ZNF280C: variants seen among roughly 807,000 people sequenced by gnomAD.
ZNF280C encodes the protein zinc finger protein 280C, also known as suppressor of hairy wing homolog 3.
A neutral mutation model predicts 53.6 loss-of-function variants in ZNF280C; 14 were observed. That is an observed-to-expected ratio of 0.26 (90% CI 0.17 to 0.41). ZNF280C has a LOEUF of 0.41. Ranked by LOEUF, ZNF280C falls within the 10% of genes least tolerant of loss-of-function variation. The probability of loss-of-function intolerance (pLI) is 1.00; values close to 1 mark genes in which losing one functional copy is unlikely to be tolerated. For missense variants in ZNF280C, 416 were observed against 547.1 expected (o/e 0.76, Z 2.39); for synonymous variants, 203 against 181.1 (o/e 1.12, Z -0.97).
intron 8 of ZNF280C, among the ~76,000 whole-genome samples, chrX:130,233,082 AAAGAAAAT>A (rs1179475951): frequency 8.9e-6 from 1 of 111,927 alleles, no homozygotes; most frequent in Non-Finnish European, 1.9e-5. Context: ...AAAACATGCT[AAAGAAAAT>A]AAGACAGTCA....
chrX:130,222,220 C>G (rs1331279672), intron 12 of ZNF280C, among the ~76,000 whole-genome samples: 1 of 105,025 alleles, frequency 9.5e-6, no homozygotes, highest in Non-Finnish European at 1.9e-5. Context: ...CTCTATCTAC[C>G]TATATTTTCT....
intron 11 of ZNF280C, among the ~76,000 whole-genome samples, chrX:130,227,133 C>T (rs865851856): frequency 3.3e-4 from 37 of 111,446 alleles, no homozygotes; most frequent in African/African-American, 1.1e-3. Flanking sequence ...CTCTCTTCTT[C>T]TTTTCAAATC....
At chrX:130,220,662 A>C (rs2032153507) in intron 12 of ZNF280C, among the ~76,000 whole-genome samples, 182 bp from the exon 13 acceptor site, 1 of 111,886 alleles carries the variant, frequency 8.9e-6, no homozygotes, top group African/African-American at 3.2e-5. Flanking sequence ...GAGTTTCAAA[A>C]GCATTAGTTA....
chrX:130,244,614 A>G (rs1215577709), intron 3 of ZNF280C, among the ~76,000 whole-genome samples: 5 of 108,366 alleles, frequency 4.6e-5, no homozygotes, highest in Non-Finnish European at 9.6e-5. Flanking sequence ...TGTCTCTACT[A>G]AAAATACAAA....
At chrX:130,228,442 C>A (rs972662111) in intron 10 of ZNF280C, among the ~76,000 whole-genome samples, 2 of 108,922 alleles carry the variant, frequency 1.8e-5, no homozygotes, top group East Asian at 5.7e-4. Context: ...CGCCACCTTG[C>A]CTGGCTAATT....
At chrX:130,205,842 T>C (rs2031967601) in intron 16 of ZNF280C, among the ~76,000 whole-genome samples, 1 of 103,237 alleles carries the variant, frequency 9.7e-6, no homozygotes, top group South Asian at 4.4e-4. Flanking sequence ...TGAGCCAAGA[T>C]TGTGCCACTG....
At chrX:130,237,876 T>C (rs1362599281) in intron 6 of ZNF280C, among the ~76,000 whole-genome samples, 1 of 111,728 alleles carries the variant, frequency 9.0e-6, no homozygotes, top group Admixed American at 9.5e-5. Flanking sequence ...CAATGAGTGC[T>C]AGTACTTTGG....
At chrX:130,258,630 T>C (rs2032599067) in intron 2 of ZNF280C, among the ~76,000 whole-genome samples, 1 of 112,291 alleles carries the variant, frequency 8.9e-6, no homozygotes, top group Non-Finnish European at 1.9e-5. Context: ...AAACATTACA[T>C]AGAATGTTGT....
At chrX:130,217,396 A>C (rs1473408670) in intron 13 of ZNF280C, among the ~76,000 whole-genome samples, 1 of 112,360 alleles carries the variant, frequency 8.9e-6, no homozygotes, top group Admixed American at 9.4e-5. Context: ...CAGAATAGGA[A>C]AATCCATAGA....
chrX:130,207,725 A>C (rs1427463245), intron 16 of ZNF280C, among the ~76,000 whole-genome samples: 1 of 111,606 alleles, frequency 9.0e-6, no homozygotes, highest in African/African-American at 3.3e-5. Flanking sequence ...TTTTACTCCT[A>C]GTTATTCATT....
At chrX:130,208,591 G>C (rs1022393763) in intron 16 of ZNF280C, among the ~76,000 whole-genome samples, 3 of 111,640 alleles carry the variant, frequency 2.7e-5, no homozygotes, top group Non-Finnish European at 5.6e-5. Context: ...CTCATCTTTA[G>C]AATTAAATCT....
At chrX:130,213,113 G>C (rs1183802543) in intron 15 of ZNF280C, among the ~76,000 whole-genome samples, 1 of 111,788 alleles carries the variant, frequency 8.9e-6, no homozygotes, top group African/African-American at 3.3e-5. Context: ...CAGAACTTTG[G>C]GAGGCCGAGG....
rs1031621201 is a variant in ZNF280C at position 130,266,757 on chromosome X, T to C, written c.-17+2005A>G. ...CAGTTCATTACTAGTGATGTTTCTC[T>C]GAATGTACAGAGCACTGGGAAAAAA... On this transcript the variant is annotated intron_variant, in intron 1 of 18. Transcript: ENST00000370978. Among the ~76,000 whole-genome samples, 45 of 111,977 alleles carry C rather than the reference T, an allele frequency of 4.0e-4. 1 individual carries two copies. In the Middle Eastern group the frequency reaches 0.014, roughly 34 times the overall value.
intron 3 of ZNF280C, among the ~76,000 whole-genome samples, chrX:130,245,201 C>T (rs763335885): frequency 2.7e-5 from 3 of 111,616 alleles, no homozygotes; most frequent in African/African-American, 9.7e-5. Context: ...GGCCCAATAC[C>T]CTTTTTGATA....
At chrX:130,242,845 A>AT (rs988448495) in intron 5 of ZNF280C, among the ~76,000 whole-genome samples, 7 of 110,479 alleles carry the variant, frequency 6.3e-5, no homozygotes, top group Admixed American at 4.8e-4. Context: ...CCCAGCCTTT[A>AT]TTTTTTTTAT....
At chrX:130,213,150 G>A (rs978136705) in intron 15 of ZNF280C, among the ~76,000 whole-genome samples, 50 of 110,212 alleles carry the variant, frequency 4.5e-4, no homozygotes, top group South Asian at 1.2e-3. Flanking sequence ...TCAGGAGATC[G>A]AGACCATCCT....
chrX:130,204,148 G>T lies in ZNF280C; in HGVS notation c.*829C>A, dbSNP rs989075269. The T allele has an allele frequency of 8.9e-6, 1 of 112,037 alleles. No homozygotes were observed. The highest frequency in any genetic ancestry group is 2.8e-4 in the East Asian group (1 of 3,612). The allele number at this position is 112,037 out of a possible 1,213,427, so 9.2% of individuals were successfully genotyped here. On this transcript the variant is annotated 3_prime_UTR_variant, in exon 19 of 19. Coordinates refer to ENST00000370978, the MANE Select transcript of ZNF280C (RefSeq NM_017666.5). ...ACAATCAGAATTTTGATATTCCTTG[G>T]ACTGCATGCCTGCTAGAGGAAAATT...
In ZNF280C at chrX:130,237,665, AAAGT is replaced by A. The variant is rs201588136; in HGVS notation, c.494-1030_494-1027del. ...AGCAGTAGAGTAGATATATGCCAGG[AAAGT>A]AAGTATTACATTAATGGGTTCCTCT... On this transcript the variant is annotated intron_variant, in intron 6 of 18. Transcript: ENST00000370978. 7.5e-3 allele frequency among the ~76,000 whole-genome samples: 842 copies of A among 111,841 alleles called. 8 individuals are homozygous for A. The highest frequency in any genetic ancestry group is 0.026 in the African/African-American group (813 of 30,954).
At chrX:130,263,016 T>C (rs747909810) in intron 1 of ZNF280C, among the ~76,000 whole-genome samples, 1 of 112,570 alleles carries the variant, frequency 8.9e-6, no homozygotes, top group Non-Finnish European at 1.9e-5. Context: ...TTAATGGATG[T>C]CACTTTACAC....
Sources: gnomAD v4.1 joint callset for allele counts (sites outside exome capture counted in the v4.1 genomes callset) on GRCh38, gnomAD v4.1.1 for gene constraint, MANE v1.5 for transcripts, NCBI Gene and HGNC (gene_info 2026-07-23, HGNC 2026-07-21) for gene names.